Variants in HIPK2 observed in about 807,000 individuals in gnomAD.
HIPK2 encodes homeodomain interacting protein kinase 2, also known as homeodomain-interacting protein kinase 2.
HIPK2 carries 27 observed loss-of-function variants against 113.7 expected under a neutral mutation model. The observed-to-expected ratio is 0.24, with a 90% CI of 0.17 to 0.33. The LOEUF (loss-of-function observed/expected upper bound fraction) is 0.33, where lower values mean the gene tolerates loss of function less well. HIPK2 is among the 10% of genes least tolerant of loss of function. The pLI, the probability that HIPK2 is intolerant of heterozygous loss-of-function variation, is 1.00. For synonymous variants in HIPK2, 631 were observed against 642.2 expected (o/e 0.98, Z 0.26); for missense variants, 1,257 against 1,588.0 (o/e 0.79, Z 3.54).
Position 139,573,257 on chromosome 7 carries a change from T to G in HIPK2, c.3267A>C (p.Ala1089=), listed in dbSNP as rs778484491. The G allele has an allele frequency of 3.2e-5, 52 of 1,604,262 alleles. No homozygotes were observed. The South Asian group carries it at 4.7e-4, about 15-fold the overall frequency. ...TGGGGAGGTGGGCAGCGGCAGCGGC[T>G]GCAGCCAGATGCGGGTGCACAGTGC... The part of the protein sequence containing the change: ...SHGTVHPHLA[A]AAAAAHLPTQ... Residue 1089 remains alanine (A), a synonymous_variant, in exon 15 of 15, where the codon GCA becomes GCC. Transcript: ENST00000406875.
intron 13 of HIPK2, among the ~76,000 whole-genome samples, chr7:139,582,072 T>A (rs938106086): frequency 4.6e-5 from 7 of 152,216 alleles, no homozygotes; most frequent in Non-Finnish European, 5.9e-5. Flanking sequence ...CAGGGCCCTT[T>A]GGTTACTGCT....
intron 2 of HIPK2, among the ~76,000 whole-genome samples, chr7:139,659,758 T>C (rs1292839016): frequency 6.0e-5 from 1 of 16,660 alleles, no homozygotes; most frequent in Non-Finnish European, 1.9e-4. Context: ...TTCTCTCTCT[T>C]TTCTGCTCTT....
At chr7:139,688,183 T>C (rs912506512) in intron 2 of HIPK2, among the ~76,000 whole-genome samples, 1 of 152,204 alleles carries the variant, frequency 6.6e-6, no homozygotes, top group East Asian at 1.9e-4. Context: ...CTCTGAAGCC[T>C]GGCCAGACCA....
At chr7:139,607,150 A>C (rs1322473953) in intron 9 of HIPK2, among the ~76,000 whole-genome samples, 1 of 152,200 alleles carries the variant, frequency 6.6e-6, no homozygotes, top group Non-Finnish European at 1.5e-5. Context: ...AGGAGGTTTC[A>C]AAAAAGTTTA....
chr7:139,770,210 C>G (rs373734555), intron 1 of HIPK2, among the ~76,000 whole-genome samples: 2 of 152,274 alleles, frequency 1.3e-5, no homozygotes, highest in South Asian at 2.1e-4. Flanking sequence ...ACAAAATAAA[C>G]AAATTTTAAA....
At chr7:139,737,906 G>C (rs1257695498) in intron 1 of HIPK2, among the ~76,000 whole-genome samples, 1 of 152,236 alleles carries the variant, frequency 6.6e-6, no homozygotes, top group Non-Finnish European at 1.5e-5. Context: ...ACAGGAGGAA[G>C]CTGCACCTTG....
chr7:139,602,022 G>A (rs1459975507), intron 10 of HIPK2, among the ~76,000 whole-genome samples: 8 of 144,692 alleles, frequency 5.5e-5, no homozygotes, highest in African/African-American at 1.3e-4. Context: ...GTGCGATCTC[G>A]GCTCACTGCA....
chr7:139,688,853 A>C (rs1011862654), intron 2 of HIPK2, among the ~76,000 whole-genome samples: 3 of 152,208 alleles, frequency 2.0e-5, no homozygotes, highest in African/African-American at 7.2e-5. Flanking sequence ...TGCCACCAGT[A>C]TAGAACATGA....
In HIPK2 at chr7:139,596,920, T is replaced by G. The variant is rs56385642; in HGVS notation, c.2514A>C (p.Thr838=). 1 of 1,612,776 alleles carries G rather than the reference T, an allele frequency of 6.2e-7. No individual in the cohort carries two copies. The highest frequency in any genetic ancestry group is 8.5e-7 in the Non-Finnish European group (1 of 1,179,318). Residue 838 remains threonine, a synonymous_variant, in exon 12 of 15, where the codon ACA becomes ACC. Coordinates refer to ENST00000406875, the MANE Select transcript of HIPK2 (RefSeq NM_022740.5). The part of the protein sequence containing the change: ...PQRSKRVKEN[T]PPRCAMVHSS... ...TGTGCACCATGGCACAGCGGGGAGG[T>G]GTGTTCTCCTTGACACGCTTGGATC...
chr7:139,709,312 C>A (rs530363279), intron 2 of HIPK2, among the ~76,000 whole-genome samples: 14 of 152,302 alleles, frequency 9.2e-5, no homozygotes, highest in African/African-American at 2.9e-4. Flanking sequence ...TTCATGCCTG[C>A]GATGCACTTG....
chr7:139,621,958 A>G (rs540081807), intron 6 of HIPK2, among the ~76,000 whole-genome samples: 38 of 151,488 alleles, frequency 2.5e-4, no homozygotes, highest in African/African-American at 8.7e-4. Context: ...AAAGAAAAAG[A>G]AAAAAAACTC....
intron 1 of HIPK2, among the ~76,000 whole-genome samples, chr7:139,728,641 C>T (rs2117016485): frequency 6.6e-6 from 1 of 152,302 alleles, no homozygotes; most frequent in Admixed American, 6.5e-5. Flanking sequence ...AAGTCACATT[C>T]TGAGATATGG....
At position 139,683,499 on chromosome 7, in the gene HIPK2, C is replaced by G. The variant is rs376191495; in HGVS notation, c.1103+32433G>C. On this transcript the variant is annotated intron_variant, in intron 2 of 14. Coordinates refer to ENST00000406875, the MANE Select transcript of HIPK2 (RefSeq NM_022740.5). The surrounding 1 kb of genome is among the most constrained non-coding windows in gnomAD (Gnocchi z 4.2). ...ACACGGGAGCCAAAGCGAGAAATAC[C>G]AGAGAGAGAGACACACGCATACCAA... Among the ~76,000 whole-genome samples the G allele has an allele frequency of 9.9e-5, 15 of 152,088 alleles. No individual in the cohort carries two copies. Among genetic ancestry groups the G allele is most frequent in the African/African-American group, 2.7e-4 (11 of 41,374 alleles).
In HIPK2 at chr7:139,716,588, C is replaced by G. The variant is rs754669097; in HGVS notation, c.447G>C (p.Glu149Asp). The change falls in exon 2 of 15, where the codon GAG becomes GAC. Residue 149 changes from glutamate to aspartate, a missense_variant. Physicochemically the swap from Glu to Asp is conservative, Grantham distance 45 (BLOSUM62 2). This residue lies in a region of HIPK2 where 209 missense variants were observed against 237.8 expected (regional missense o/e 0.88). Transcript: ENST00000406875. This position sits in a 1 kb window ranked among gnomAD's most constrained non-coding sequence, Gnocchi z 9.3. ...ENTSSVQIIE[E>D]HPPMIQNNAS... ...CATTATTCTGAATCATGGGTGGATG[C>G]TCCTCGATGATCTGCACGCTGCTTG... The G allele has an allele frequency of 2.5e-6, 4 of 1,613,866 alleles. No individual in the cohort carries two copies. In the Admixed American group the frequency reaches 5.0e-5, roughly 20 times the overall value.
chr7:139,668,629 T>C (rs867362344), intron 2 of HIPK2, among the ~76,000 whole-genome samples: 1 of 152,154 alleles, frequency 6.6e-6, no homozygotes, highest in African/African-American at 2.4e-5. Flanking sequence ...GGTGAGACAT[T>C]TCTCACCTGA....
At chr7:139,637,515 G>C (rs1033556181) in intron 2 of HIPK2, among the ~76,000 whole-genome samples, 1 of 152,166 alleles carries the variant, frequency 6.6e-6, no homozygotes, top group Non-Finnish European at 1.5e-5. Context: ...TCACATGGCT[G>C]CCTCCTTCTC....
chr7:139,717,761 T>A (rs1343634045), intron 1 of HIPK2, among the ~76,000 whole-genome samples: 1 of 152,206 alleles, frequency 6.6e-6, no homozygotes, highest in East Asian at 1.9e-4. Context: ...GTTTTTGTTT[T>A]GAGACCGAGT....
chr7:139,751,306 G>C (rs562834997), intron 1 of HIPK2, among the ~76,000 whole-genome samples: 2 of 152,224 alleles, frequency 1.3e-5, no homozygotes, highest in South Asian at 2.1e-4. Flanking sequence ...CTCTTCTGGA[G>C]AGACAGGATT....
At chr7:139,627,043 T>C (rs1288368986) in intron 5 of HIPK2, among the ~76,000 whole-genome samples, 1 of 152,156 alleles carries the variant, frequency 6.6e-6, no homozygotes, top group African/African-American at 2.4e-5. Context: ...CCTGCAAATA[T>C]ATCTGAATGA....
Sources: allele counts gnomAD v4.1 joint callset (sites outside exome capture counted in the v4.1 genomes callset), GRCh38; gene constraint gnomAD v4.1.1; regional missense constraint gnomAD v4.1.1; non-coding constraint Gnocchi (gnomAD v3.1); transcripts MANE v1.5; gene names NCBI Gene and HGNC (gene_info 2026-07-23, HGNC 2026-07-21).